Variants in ATP2C1 observed in about 807,000 individuals in gnomAD.
ATP2C1 encodes ATPase secretory pathway Ca2+ transporting 1.
In ATP2C1, 31 loss-of-function variants were observed where a neutral mutation model predicts 120.5. The ratio of observed to expected loss-of-function variants is 0.26; its 90% CI spans 0.19 to 0.35. The LOEUF (loss-of-function observed/expected upper bound fraction) is 0.35. Ranked by LOEUF, ATP2C1 falls within the 10% of genes least tolerant of loss-of-function variation. The pLI is 1.00. For synonymous variants in ATP2C1, 351 were observed against 358.7 expected (o/e 0.98, Z 0.24); for missense variants, 731 against 1,107.5 (o/e 0.66, Z 4.83).
rs77282231 is a variant in ATP2C1, at chr3:130,904,496, T to C, written c.6+9721T>C. On this transcript the variant is annotated intron_variant, in intron 2 of 27. Coordinates refer to ENST00000510168, the MANE Select transcript of ATP2C1 (RefSeq NM_001378687.1). ...GGGTGAAGTTAATGTGATCACTTGG[T>C]TAAGGCTGTGTCTGCCAGATTTCTT... Among the ~76,000 whole-genome samples, 50 of 152,208 alleles carry C rather than the reference T, an allele frequency of 3.3e-4. No individual in the cohort carries two copies. In the East Asian group the frequency reaches 9.5e-3, roughly 29 times the overall value.
chr3:130,857,869 T>C (rs1409289084), intron 1 of ATP2C1, among the ~76,000 whole-genome samples: 1 of 152,142 alleles, frequency 6.6e-6, no homozygotes, highest in Non-Finnish European at 1.5e-5. Flanking sequence ...AATAGGCCGT[T>C]TGCAAGCTGA....
intron 2 of ATP2C1, among the ~76,000 whole-genome samples, chr3:130,908,991 A>G (rs2058267667): frequency 6.6e-6 from 1 of 152,184 alleles, no homozygotes; most frequent in Admixed American, 6.5e-5. Flanking sequence ...TAATTTATCA[A>G]ATGAAGAATA....
chr3:131,016,247 A>T, exon 27 of ATP2C1: 1 of 1,614,188 alleles, frequency 6.2e-7, no homozygotes, highest in Non-Finnish European at 8.5e-7. Context: ...GCTGTGTCTA[A>T]GTCCAGTCTT....
chr3:130,894,244 G>A lies in ATP2C1; in HGVS notation c.-274G>A. The stretch of plus-strand genomic sequence containing the variant: ...CTCCCGCCTCGCACCGCTGCCCCGC[G>A]AGCAGCTCCTCTTCTCCCGAGGCGC... On this transcript the variant is annotated 5_prime_UTR_variant, in exon 1 of 28. Coordinates refer to ENST00000510168, the MANE Select transcript of ATP2C1 (RefSeq NM_001378687.1). The surrounding 1 kb of genome is among the most constrained non-coding windows in gnomAD (Gnocchi z 4.5). The A allele has an allele frequency of 1.0e-6, 1 of 981,686 alleles. No individual in the cohort carries two copies. 60.8% of individuals were successfully genotyped at this position (981,686 alleles called of 1,614,324 possible). A position where few individuals can be genotyped will look rare whatever the true frequency, so the allele number is the denominator to read the frequency against.
chr3:130,957,420 T>G (rs2060627664), intron 11 of ATP2C1, among the ~76,000 whole-genome samples: 1 of 152,052 alleles, frequency 6.6e-6, no homozygotes, highest in Admixed American at 6.5e-5. Flanking sequence ...AATCCAGTCT[T>G]TATTCATTGG....
At position 130,983,747 on chromosome 3, in the gene ATP2C1, G is replaced by C. The variant is rs75325595; in HGVS notation, c.1839+3068G>C. Among the ~76,000 whole-genome samples, 1,227 of 152,208 alleles carry C rather than the reference G, an allele frequency of 8.1e-3. 22 individuals are homozygous for C. Among genetic ancestry groups the C allele is most frequent in the African/African-American group, 0.027 (1,115 of 41,522 alleles). ...GTTTTGCCTTTTCCAGAATGTGTATGGTTGGAATAATATCATATGTAGCCT... is the reference window on the plus strand; with the variant it reads ...GTTTTGCCTTTTCCAGAATGTGTATCGTTGGAATAATATCATATGTAGCCT... On this transcript the variant is annotated intron_variant, in intron 20 of 27. Transcript: ENST00000510168.
At chr3:130,952,825 A>C (rs1033631130) in intron 8 of ATP2C1, among the ~76,000 whole-genome samples, 5 of 152,184 alleles carry the variant, frequency 3.3e-5, no homozygotes, top group Non-Finnish European at 5.9e-5. Context: ...AGGGCTTGTA[A>C]ATACTGTCTG....
chr3:130,885,663 GT>G (rs2068950113), intron 1 of ATP2C1, among the ~76,000 whole-genome samples: 2 of 151,260 alleles, frequency 1.3e-5, no homozygotes, highest in Non-Finnish European at 2.9e-5. Context: ...GCTTTTTAAC[GT>G]CTTGTTTCTC....
chr3:130,937,414 T>C lies in ATP2C1; in HGVS notation c.325-14T>C. 2.5e-6 allele frequency: 4 copies of C among 1,611,930 alleles called. No homozygotes were observed. Among genetic ancestry groups the C allele is most frequent in the Non-Finnish European group, 3.4e-6 (4 of 1,178,024 alleles). Reference sequence around the variant, plus strand: ...AGTTAATGTCTGATTTAAAAGCCTGTTTCTTTTGTTTAGGCAATACTTATC... The same window carrying C: ...AGTTAATGTCTGATTTAAAAGCCTGCTTCTTTTGTTTAGGCAATACTTATC... On this transcript the variant is annotated splice_polypyrimidine_tract_variant and intron_variant, in intron 5 of 27. Transcript: ENST00000510168.
At position 131,001,745 on chromosome 3, in the gene ATP2C1, A is replaced by C. The variant is rs2062895573; in HGVS notation, c.*395A>C. On this transcript the variant is annotated 3_prime_UTR_variant, in exon 28 of 28. Transcript: ENST00000510168. ...TTTATGGTGGTGGGGCTTTCTTACT[A>C]ATACACAAATAAATTTAATCATTTC... The C allele has an allele frequency of 1.0e-6, 1 of 978,126 alleles. No homozygotes were observed. Among genetic ancestry groups the C allele is most frequent in the Non-Finnish European group, 1.2e-6 (1 of 823,066 alleles). 60.6% of individuals were successfully genotyped at this position (978,126 alleles called of 1,614,324 possible).
chr3:130,949,873 A>T (rs2060297072), intron 8 of ATP2C1, among the ~76,000 whole-genome samples: 1 of 152,170 alleles, frequency 6.6e-6, no homozygotes, highest in Non-Finnish European at 1.5e-5. Context: ...ATGATCAGGC[A>T]GCTACAGGTG....
Position 131,001,514 on chromosome 3 carries a change from C to A in ATP2C1, c.*164C>A. 7.7e-7 allele frequency: 1 copy of A among 1,305,708 alleles called. No homozygotes were observed. The allele number at this position is 1,305,708 out of a possible 1,614,324, so 80.9% of individuals were successfully genotyped here. A position where few individuals can be genotyped will look rare whatever the true frequency, so the allele number is the denominator to read the frequency against. On this transcript the variant is annotated 3_prime_UTR_variant, in exon 28 of 28. Coordinates refer to ENST00000510168, the MANE Select transcript of ATP2C1 (RefSeq NM_001378687.1). Reference sequence around the variant, plus strand: ...TAAGACTTTAACCTGCTGGCAGTCCCAAATGAAATTATGCAACTTTGATAT... The same window carrying A: ...TAAGACTTTAACCTGCTGGCAGTCCAAAATGAAATTATGCAACTTTGATAT...
At position 130,975,422 on chromosome 3, in the gene ATP2C1, C is replaced by A; in HGVS notation, c.1504C>A (p.Leu502Ile). The change falls in exon 18 of 28, where the codon CTT (leucine) becomes ATT (isoleucine). Residue 502 changes from leucine (L) to isoleucine (I), a missense_variant. Physicochemically the swap from Leu to Ile is conservative, Grantham distance 5 (BLOSUM62 2). Transcript: ENST00000510168. ...TYQSKGQTLT[L>I]TQQQRDVYQQ... The stretch of plus-strand genomic sequence containing the variant: ...CCAGAGCAAAGGGCAGACCTTGACA[C>A]TTACTCAGCAGCAGAGAGATGTGTA... 1 of 1,613,932 alleles carries A rather than the reference C, an allele frequency of 6.2e-7. No individual in the cohort carries two copies. Among genetic ancestry groups the A allele is most frequent in the Non-Finnish European group, 8.5e-7 (1 of 1,179,896 alleles).
At chr3:130,980,205 C>G (rs2061694845) in intron 19 of ATP2C1, among the ~76,000 whole-genome samples, 1 of 151,798 alleles carries the variant, frequency 6.6e-6, no homozygotes, top group Non-Finnish European at 1.5e-5. Flanking sequence ...CCTGATTGGC[C>G]TAGTTTCGAT....
rs1317395551 is a variant in ATP2C1 at position 130,912,256 on chromosome 3, T to A, written c.6+17481T>A. 7.4e-3 allele frequency among the ~76,000 whole-genome samples: 1,036 copies of A among 139,398 alleles called. 7 individuals carry two copies. Among genetic ancestry groups the A allele is most frequent in the Non-Finnish European group, 0.011 (738 of 64,306 alleles). The allele number at this position is 139,398 out of a possible 152,430, so 91.5% of individuals were successfully genotyped here. A position where few individuals can be genotyped will look rare whatever the true frequency, so the allele number is the denominator to read the frequency against. On this transcript the variant is annotated intron_variant, in intron 2 of 27. Coordinates refer to ENST00000510168, the MANE Select transcript of ATP2C1 (RefSeq NM_001378687.1). The stretch of plus-strand genomic sequence containing the variant: ...CAAAAGACAAAATTGACAAATGGGA[T>A]CTAATTAAACTAAAGAGCTTCTGCA...
intron 8 of ATP2C1, among the ~76,000 whole-genome samples, chr3:130,953,554 A>C (rs1215288553): frequency 6.6e-6 from 1 of 152,200 alleles, no homozygotes; most frequent in Non-Finnish European, 1.5e-5. Context: ...AGCTAGTGTC[A>C]AATTTTTCCT....
At chr3:130,958,348 G>A (rs1392859910) in intron 11 of ATP2C1, among the ~76,000 whole-genome samples, 1 of 151,978 alleles carries the variant, frequency 6.6e-6, no homozygotes, top group African/African-American at 2.4e-5. Context: ...GTAAATAAAT[G>A]AGTGTGGCTA....
intron 12 of ATP2C1, among the ~76,000 whole-genome samples, chr3:130,962,725 AAAAAAAAGAAAAG>A (rs1280985817): frequency 6.0e-5 from 9 of 150,630 alleles, no homozygotes; most frequent in African/African-American, 1.9e-4. Flanking sequence ...TAAAAAAAAA[AAAAAAAAGAAAAG>A]AAAAAAGAAA....
At chr3:130,981,973 G>A (rs2108791856) in intron 20 of ATP2C1, among the ~76,000 whole-genome samples, 1 of 152,230 alleles carries the variant, frequency 6.6e-6, no homozygotes, top group South Asian at 2.1e-4. Flanking sequence ...GTTTGAAAAT[G>A]TTTCTTTCCA....
Sources: allele counts gnomAD v4.1 joint callset (sites outside exome capture counted in the v4.1 genomes callset), GRCh38; gene constraint gnomAD v4.1.1; non-coding constraint Gnocchi (gnomAD v3.1); transcripts MANE v1.5; gene names NCBI Gene and HGNC (gene_info 2026-07-23, HGNC 2026-07-21).